The following PCDH7 variants were observed in gnomAD, a reference collection of about 807,000 sequenced individuals.
PCDH7 encodes protocadherin-7.
A neutral mutation model predicts 58.9 loss-of-function variants in PCDH7; 17 were observed. That is an observed-to-expected ratio of 0.29 (90% CI 0.20 to 0.43). The LOEUF (loss-of-function observed/expected upper bound fraction) is 0.43. Ranked by LOEUF, PCDH7 falls within the 20% of genes least tolerant of loss-of-function variation. The pLI is 1.00. For synonymous variants in PCDH7, 664 were observed against 616.4 expected, an observed-to-expected ratio of 1.08 and a Z score of -1.14; for missense variants, 1,274 against 1,441.0, an observed-to-expected ratio of 0.88 and a Z score of 1.88.
intron 1 of PCDH7, among the ~76,000 whole-genome samples, chr4:30,758,998 G>A (rs1719685881): frequency 7.1e-6 from 1 of 141,840 alleles, no homozygotes; most frequent in Non-Finnish European, 1.5e-5. Context: ...CTGGAGTGCA[G>A]TGACGTGATC....
At position 30,721,539 on chromosome 4, in the gene PCDH7, C is replaced by G. The variant is rs888159302; in HGVS notation, c.117C>G (p.Ala39=). The change falls in exon 1 of 2, where the codon GCC becomes GCG. Residue 39 remains alanine (A), a synonymous_variant. Coordinates refer to ENST00000361762, the Ensembl canonical transcript of PCDH7. This position sits in a 1 kb window ranked among gnomAD's most constrained non-coding sequence, Gnocchi z 6.7. ...AGCAGCTCCTCCGGTACCGGCTGGC[C>G]GAGGAGGGCCCCGCCGACGTCCGCA... The G allele has an allele frequency of 1.9e-6, 3 of 1,601,398 alleles. No homozygotes were observed. The highest frequency in any genetic ancestry group is 1.7e-5 in the Admixed American group (1 of 59,946).
chr4:31,039,688 C>G (rs1755689413), intron 3 of PCDH7, among the ~76,000 whole-genome samples: 1 of 152,150 alleles, frequency 6.6e-6, no homozygotes, highest in Non-Finnish European at 1.5e-5. Context: ...TCTACACATT[C>G]TAACTTTTCT....
At chr4:31,046,794 A>G (rs1355456305) in intron 3 of PCDH7, among the ~76,000 whole-genome samples, 1 of 152,096 alleles carries the variant, frequency 6.6e-6, no homozygotes, top group Non-Finnish European at 1.5e-5. Context: ...TACATCCATC[A>G]TATTAAAGGT....
At chr4:30,896,471 A>T (rs73214930) in intron 1 of PCDH7, among the ~76,000 whole-genome samples, 20,469 of 152,118 alleles carry the variant, frequency 0.13, 1,573 homozygotes, top group African/African-American at 0.2. Flanking sequence ...TTTTTATAAA[A>T]GTTATAAAGT....
At position 30,722,182 on chromosome 4, in the gene PCDH7, G is replaced by A; in HGVS notation, c.760G>A (p.Gly254Ser). Reference sequence around the variant, plus strand: ...GCTGCAGGTGGCGGACACCCCGGACGGCGAGAAGCAGCCGCAGCTGATCGT... The same window carrying A: ...GCTGCAGGTGGCGGACACCCCGGACAGCGAGAAGCAGCCGCAGCTGATCGT... Residue 254 changes from glycine to serine, a missense_variant, in exon 1 of 2, where the codon GGC becomes AGC. Gly to Ser is a moderately conservative substitution (Grantham distance 56, BLOSUM62 0). Coordinates refer to ENST00000361762, the Ensembl canonical transcript of PCDH7. This position sits in a 1 kb window ranked among gnomAD's most constrained non-coding sequence, Gnocchi z 7.6. 6.4e-7 allele frequency: 1 copy of A among 1,557,710 alleles called. No individual in the cohort carries two copies. The highest frequency in any genetic ancestry group is 2.4e-5 in the East Asian group (1 of 41,292).
chr4:30,757,585 C>G (rs1719472489), intron 1 of PCDH7, among the ~76,000 whole-genome samples: 1 of 152,138 alleles, frequency 6.6e-6, no homozygotes, highest in African/African-American at 2.4e-5. Flanking sequence ...TGATCCTTCT[C>G]CATTTCTCAG....
chr4:30,750,868 T>C (rs551908086), intron 1 of PCDH7, among the ~76,000 whole-genome samples: 1 of 152,060 alleles, frequency 6.6e-6, no homozygotes, highest in Non-Finnish European at 1.5e-5. Flanking sequence ...AGTACTATGA[T>C]AGAGAATGGA....
At chr4:31,031,098 G>A (rs1754876112) in intron 3 of PCDH7, among the ~76,000 whole-genome samples, 1 of 152,144 alleles carries the variant, frequency 6.6e-6, no homozygotes, top group African/African-American at 2.4e-5. Context: ...GTGGTAATAT[G>A]AGGAGGATGG....
At chr4:30,777,889 C>T (rs1722281484) in intron 1 of PCDH7, among the ~76,000 whole-genome samples, 1 of 152,038 alleles carries the variant, frequency 6.6e-6, no homozygotes, top group Non-Finnish European at 1.5e-5. Context: ...ATCTTATCTG[C>T]TTGTACATTT....
chr4:30,930,844 C>T (rs1251080200), intron 2 of PCDH7, among the ~76,000 whole-genome samples: 1 of 151,916 alleles, frequency 6.6e-6, no homozygotes, highest in African/African-American at 2.4e-5. Flanking sequence ...GAGGTTGATG[C>T]GTGAGGAGGG....
chr4:30,853,691 A>G (rs367794540), intron 1 of PCDH7, among the ~76,000 whole-genome samples: 3 of 152,116 alleles, frequency 2.0e-5, no homozygotes, highest in Non-Finnish European at 4.4e-5. Flanking sequence ...AGCATGCCTA[A>G]GATTTTCAGG....
At chr4:30,772,961 G>C (rs1198483215) in intron 1 of PCDH7, among the ~76,000 whole-genome samples, 1 of 152,080 alleles carries the variant, frequency 6.6e-6, no homozygotes, top group Admixed American at 6.6e-5. Context: ...CAGTGCAGTA[G>C]CACAATCTCG....
chr4:30,747,050 T>C (rs1199634544), intron 1 of PCDH7, among the ~76,000 whole-genome samples: 3 of 152,202 alleles, frequency 2.0e-5, no homozygotes, highest in Non-Finnish European at 4.4e-5. Context: ...CTTAATACTT[T>C]AAGTATTTCA....
intron 1 of PCDH7, chr4:30,786,805 A>G: frequency 1.0e-6 from 1 of 953,148 alleles, no homozygotes; most frequent in Middle Eastern, 5.4e-4. Flanking sequence ...TCGTAAGTGA[A>G]ATATATGCAG....
intron 1 of PCDH7, among the ~76,000 whole-genome samples, chr4:30,815,682 A>C (rs1290150543): frequency 1.3e-5 from 2 of 152,138 alleles, no homozygotes; most frequent in Non-Finnish European, 2.9e-5. Context: ...CACCAGTAAA[A>C]CTCTGCCATT....
rs372496344 is a variant in PCDH7, at chr4:30,814,901, C to A, written c.70+90305C>A. On this transcript the variant is annotated intron_variant, in intron 1 of 3. Transcript: ENST00000509759. The stretch of plus-strand genomic sequence containing the variant: ...TGTTAATTAAGACTCATGAATTGAG[C>A]ATCTGCCTTCCTATATTATGTTTGA... Among the ~76,000 whole-genome samples the A allele has an allele frequency of 2.0e-5, 3 of 152,060 alleles. No individual in the cohort carries two copies. In the South Asian group the frequency reaches 6.2e-4, roughly 32 times the overall value.
chr4:30,932,559 T>G (rs1744778573), intron 2 of PCDH7, among the ~76,000 whole-genome samples: 1 of 152,192 alleles, frequency 6.6e-6, no homozygotes, highest in Non-Finnish European at 1.5e-5. Flanking sequence ...AAAATGCAAC[T>G]CCCATTTAAT....
chr4:30,730,191 G>T (rs183850323), intron 1 of PCDH7, among the ~76,000 whole-genome samples: 18 of 151,716 alleles, frequency 1.2e-4, no homozygotes, highest in African/African-American at 3.6e-4. Context: ...GTGTATAATC[G>T]ATTTCTAGAC....
chr4:30,826,734 C>T (rs1314733061), intron 1 of PCDH7, among the ~76,000 whole-genome samples: 2 of 151,896 alleles, frequency 1.3e-5, no homozygotes, highest in South Asian at 2.1e-4. Context: ...TTTTATCTTA[C>T]TTTATTTTTG....
Sources: gnomAD v4.1 joint callset for allele counts (sites outside exome capture counted in the v4.1 genomes callset) on GRCh38, gnomAD v4.1.1 for gene constraint, Gnocchi (gnomAD v3.1) non-coding constraint, MANE v1.5 for transcripts, NCBI Gene and HGNC (gene_info 2026-07-23, HGNC 2026-07-21) for gene names.